PTPRG: variants seen among roughly 807,000 people sequenced by gnomAD.
PTPRG encodes protein tyrosine phosphatase receptor type G, also known as receptor-type tyrosine-protein phosphatase gamma.
Under a neutral mutation model 165.3 loss-of-function variants are expected in PTPRG, and 102 were observed. That is an observed-to-expected ratio of 0.62 (90% CI 0.53 to 0.73). The LOEUF is 0.73. PTPRG is among the 30% of genes least tolerant of loss of function. The pLI is 0.00. For missense variants in PTPRG, 1,866 were observed against 1,861.4 expected (o/e 1.00, Z -0.05); for synonymous variants, 675 against 669.5 (o/e 1.01, Z -0.13).
intron 2 of PTPRG, among the ~76,000 whole-genome samples, chr3:61,982,480 C>G (rs986201361): frequency 1.3e-5 from 2 of 152,116 alleles, no homozygotes; most frequent in African/African-American, 4.8e-5. Context: ...AGGTCAAAGA[C>G]TTTTAAGTCT....
chr3:62,068,337 T>C (rs1271884881), intron 4 of PTPRG, among the ~76,000 whole-genome samples: 1 of 152,142 alleles, frequency 6.6e-6, no homozygotes, highest in African/African-American at 2.4e-5. Flanking sequence ...GGATTCTCTA[T>C]GTTAAGGCCA....
rs1302624341 is a variant in PTPRG at position 62,217,118 on chromosome 3, C to T, written c.2156-1733C>T. 6.6e-6 allele frequency among the ~76,000 whole-genome samples: 1 copy of T among 152,206 alleles called. No homozygotes were observed. The highest frequency in any genetic ancestry group is 1.9e-4 in the East Asian group (1 of 5,194). ...GTACTGATGTGTCCCCATCCCCTCGCACCAGGCCTGTGCACAGTAGGGGCT... is the reference window on the plus strand; with the variant it reads ...GTACTGATGTGTCCCCATCCCCTCGTACCAGGCCTGTGCACAGTAGGGGCT... On this transcript the variant is annotated intron_variant, in intron 12 of 29. Transcript: ENST00000474889. This position sits in a 1 kb window ranked among gnomAD's most constrained non-coding sequence, Gnocchi z 4.3.
intron 2 of PTPRG, among the ~76,000 whole-genome samples, chr3:61,940,513 T>C (rs1480385157): frequency 1.3e-5 from 2 of 152,140 alleles, no homozygotes; most frequent in African/African-American, 4.8e-5. Context: ...TCTGCCCTGG[T>C]TGTTTTTGCA....
At chr3:61,896,235 C>G (rs1174569372) in intron 2 of PTPRG, among the ~76,000 whole-genome samples, 2 of 152,166 alleles carry the variant, frequency 1.3e-5, no homozygotes, top group Non-Finnish European at 2.9e-5. Flanking sequence ...TCTCTAACTC[C>G]TAGAAACCTC....
At chr3:61,944,520 C>G (rs986762891) in intron 2 of PTPRG, among the ~76,000 whole-genome samples, 5 of 152,116 alleles carry the variant, frequency 3.3e-5, no homozygotes, top group African/African-American at 1.2e-4. Context: ...AAGTCCCTCT[C>G]AGTTTGAAGA....
At chr3:62,168,271 C>A in intron 8 of PTPRG, 108 bp downstream of exon 8, 2 of 1,064,836 alleles carry the variant, frequency 1.9e-6, no homozygotes, top group Non-Finnish European at 2.7e-6. Flanking sequence ...GTGTTAAATG[C>A]ATATGTTTCT....
intron 1 of PTPRG, chr3:61,743,225 G>A (rs1463393932): frequency 1.0e-5 from 7 of 684,826 alleles, no homozygotes; most frequent in South Asian, 7.7e-5. Context: ...CAGAGTTTAT[G>A]GAAACTCCCT....
At chr3:62,088,920 C>A in intron 5 of PTPRG, among the ~76,000 whole-genome samples, 1 of 152,224 alleles carries the variant, frequency 6.6e-6, no homozygotes, top group Non-Finnish European at 1.5e-5. Flanking sequence ...AATCTTTTTA[C>A]TATCTGGCCA....
chr3:62,108,207 C>T (rs1392131621), intron 5 of PTPRG, among the ~76,000 whole-genome samples: 7 of 152,004 alleles, frequency 4.6e-5, no homozygotes, highest in African/African-American at 1.2e-4. Flanking sequence ...CCCCCCACCC[C>T]GCAACAGGCC....
At chr3:62,010,722 A>G (rs951587450) in intron 4 of PTPRG, among the ~76,000 whole-genome samples, 1 of 152,222 alleles carries the variant, frequency 6.6e-6, no homozygotes, top group African/African-American at 2.4e-5. Context: ...ATTTTTTAGC[A>G]TCTTTATGAA....
At chr3:61,563,037 G>T (rs1478978981) in intron 1 of PTPRG, among the ~76,000 whole-genome samples, 1 of 152,040 alleles carries the variant, frequency 6.6e-6, no homozygotes, top group Admixed American at 6.5e-5. Flanking sequence ...GGGCGCAGGC[G>T]GTTTCGGAGA....
chr3:62,131,877 G>A (rs1157512755), intron 5 of PTPRG, among the ~76,000 whole-genome samples: 1 of 152,144 alleles, frequency 6.6e-6, no homozygotes, highest in Non-Finnish European at 1.5e-5. Context: ...ATCTCTGTAT[G>A]TCTAAAAGAA....
At chr3:62,261,815 C>T (rs1236123903) in intron 16 of PTPRG, 2 of 152,034 alleles carry the variant, frequency 1.3e-5, no homozygotes, top group East Asian at 1.9e-4. Flanking sequence ...TAAAAGACAA[C>T]CAGTTCATTG....
At chr3:61,916,971 T>C (rs754406010) in intron 2 of PTPRG, among the ~76,000 whole-genome samples, 1 of 152,296 alleles carries the variant, frequency 6.6e-6, no homozygotes, top group Non-Finnish European at 1.5e-5. Context: ...CCCATTCTTG[T>C]GGATAATTTT....
intron 2 of PTPRG, among the ~76,000 whole-genome samples, chr3:61,763,525 C>G (rs1250385709): frequency 3.3e-5 from 2 of 59,804 alleles, no homozygotes; most frequent in Non-Finnish European, 7.3e-5. Flanking sequence ...GCTACCACGC[C>G]CAGCTAATTT....
chr3:62,113,681 A>G (rs993272065), intron 5 of PTPRG, among the ~76,000 whole-genome samples: 1 of 152,206 alleles, frequency 6.6e-6, no homozygotes, highest in Non-Finnish European at 1.5e-5. Context: ...GGGAACCAGT[A>G]AGGTTTGCCT....
chr3:61,905,608 C>T (rs1484914838), intron 2 of PTPRG, among the ~76,000 whole-genome samples: 4 of 152,162 alleles, frequency 2.6e-5, no homozygotes, highest in African/African-American at 4.8e-5. Context: ...TAAGCATCTC[C>T]GGAGCATTCT....
At chr3:61,794,122 G>A (rs2034976997) in intron 2 of PTPRG, among the ~76,000 whole-genome samples, 1 of 151,980 alleles carries the variant, frequency 6.6e-6, no homozygotes, top group East Asian at 1.9e-4. Context: ...AGGCCATTTT[G>A]CATGAATGCT....
chr3:61,814,124 C>G, intron 2 of PTPRG, among the ~76,000 whole-genome samples: 1 of 152,208 alleles, frequency 6.6e-6, no homozygotes, highest in East Asian at 1.9e-4. Context: ...TGGTCTCGAA[C>G]TCCTGACCTC....
Sources: allele counts gnomAD v4.1 joint callset (sites outside exome capture counted in the v4.1 genomes callset), GRCh38; gene constraint gnomAD v4.1.1; non-coding constraint Gnocchi (gnomAD v3.1); transcripts MANE v1.5; gene names NCBI Gene and HGNC (gene_info 2026-07-23, HGNC 2026-07-21).